The following ASAP2 variants were observed in gnomAD, a reference collection of about 807,000 sequenced individuals.
ASAP2 encodes the protein arf-GAP with SH3 domain, ANK repeat and PH domain-containing protein 2.
Under a neutral mutation model 131.4 loss-of-function variants are expected in ASAP2, and 45 were observed. That is an observed-to-expected ratio of 0.34 (90% confidence interval 0.27 to 0.44). The LOEUF is 0.44. Among genes scored for constraint, ASAP2 ranks in the 20% least tolerant of loss-of-function variants. ASAP2 has a pLI of 1.00. For synonymous variants in ASAP2, 510 were observed against 503.0 expected (o/e 1.01, Z -0.19); for missense variants, 1,011 against 1,297.0 (o/e 0.78, Z 3.39).
intron 16 of ASAP2, among the ~76,000 whole-genome samples, chr2:9,368,905 T>A (rs997192156): frequency 6.6e-6 from 1 of 152,156 alleles, no homozygotes; most frequent in Non-Finnish European, 1.5e-5. Flanking sequence ...TATGTGATTA[T>A]GTAGCGTCCT....
chr2:9,267,920 A>AAAG (rs1558281476), intron 1 of ASAP2, among the ~76,000 whole-genome samples: 5 of 151,416 alleles, frequency 3.3e-5, no homozygotes, highest in Non-Finnish European at 1.5e-5. Context: ...AAAAAAAAAA[A>AAAG]AAGAATGATT....
intron 7 of ASAP2, 98 bp downstream of exon 7, chr2:9,328,009 A>G (rs1670587590): frequency 1.2e-6 from 1 of 838,284 alleles, no homozygotes; most frequent in Non-Finnish European, 1.8e-6. Context: ...CACCACTTAG[A>G]AGTCTATAGT....
At chr2:9,306,824 T>G (rs1404062596) in intron 3 of ASAP2, among the ~76,000 whole-genome samples, 1 of 152,112 alleles carries the variant, frequency 6.6e-6, no homozygotes, top group African/African-American at 2.4e-5. Context: ...GCCCATATAC[T>G]CCAGGTTCCA....
intron 12 of ASAP2, among the ~76,000 whole-genome samples, chr2:9,352,248 A>ACACACAC (rs1558357880): frequency 4.5e-5 from 6 of 133,740 alleles, no homozygotes; most frequent in African/African-American, 1.8e-4. Flanking sequence ...CACACACACA[A>ACACACAC]ACACACACAC....
intron 3 of ASAP2, among the ~76,000 whole-genome samples, chr2:9,299,674 G>A (rs1205875910): frequency 6.6e-6 from 1 of 152,204 alleles, no homozygotes; most frequent in African/African-American, 2.4e-5. Flanking sequence ...GACGGCTGAC[G>A]ACGTAGGAGA....
chr2:9,401,173 T>C (rs1676631984), intron 26 of ASAP2, 101 bp from the exon 27 acceptor site: 2 of 1,468,202 alleles, frequency 1.4e-6, no homozygotes, highest in South Asian at 2.5e-5. Context: ...CAGGCCTAGG[T>C]ACGGGACTCC....
At chr2:9,364,092 G>A (rs1003368526) in intron 15 of ASAP2, among the ~76,000 whole-genome samples, 4 of 152,130 alleles carry the variant, frequency 2.6e-5, no homozygotes, top group African/African-American at 7.2e-5. Context: ...GATTTTTCAG[G>A]TCATATGAAA....
intron 1 of ASAP2, among the ~76,000 whole-genome samples, chr2:9,263,772 C>T (rs1017108975): frequency 2.6e-5 from 4 of 152,148 alleles, no homozygotes; most frequent in Admixed American, 6.5e-5. Context: ...CTGTTCATAC[C>T]GCATGACACC....
intron 1 of ASAP2, among the ~76,000 whole-genome samples, chr2:9,246,191 A>T (rs1436313610): frequency 6.6e-6 from 1 of 152,108 alleles, no homozygotes; most frequent in Non-Finnish European, 1.5e-5. Context: ...CCAAACCCGT[A>T]CTCCTTAGAC....
rs761540224 is a variant in ASAP2, at chr2:9,344,787, T to G, written c.1010T>G (p.Ile337Arg). The G allele has an allele frequency of 6.2e-7, 1 of 1,613,584 alleles. No individual in the cohort carries two copies. The highest frequency in any genetic ancestry group is 2.2e-5 in the East Asian group (1 of 44,886). ...TCAGTTAAAAATGGTTTTCTGACCA[T>G]ATCCCATGGTACCGTAAGTATTCTC... is the stretch of plus-strand genomic sequence containing the variant. ...KCSVKNGFLT[I>R]SHGTANRPPA... Residue 337 changes from isoleucine (I) to arginine (R), a missense_variant, in exon 11 of 28, where the codon ATA (isoleucine) becomes AGA (arginine). This residue lies in a region of ASAP2 where 359 missense variants were observed against 598.1 expected (regional missense o/e 0.60). Transcript: ENST00000281419.
intron 19 of ASAP2, among the ~76,000 whole-genome samples, chr2:9,379,308 G>T (rs926284809): frequency 6.6e-6 from 1 of 152,180 alleles, no homozygotes; most frequent in Admixed American, 6.5e-5. Flanking sequence ...ACAAGCAAAG[G>T]GTGGGTCTTG....
At chr2:9,234,110 C>CA (rs70948810) in intron 1 of ASAP2, among the ~76,000 whole-genome samples, 1,162 of 76,258 alleles carry the variant, frequency 0.015, 27 homozygotes, top group African/African-American at 0.035. Context: ...AGCTATGTCT[C>CA]AAAAAAAAAA....
intron 24 of ASAP2, among the ~76,000 whole-genome samples, chr2:9,397,750 AT>A (rs1172660637): frequency 2.9e-3 from 129 of 44,804 alleles, no homozygotes; most frequent in East Asian, 4.7e-3. Context: ...ATATATATAT[AT>A]TTTTTTTTTT....
intron 3 of ASAP2, 67 bp from the exon 4 acceptor site, chr2:9,318,457 C>T (rs1669948700): frequency 3.4e-6 from 4 of 1,189,024 alleles, no homozygotes; most frequent in African/African-American, 1.5e-5. Flanking sequence ...CTCTAATGTC[C>T]TTGCTGTCCT....
chr2:9,347,303 G>A (rs922325171), intron 11 of ASAP2, among the ~76,000 whole-genome samples: 3 of 152,208 alleles, frequency 2.0e-5, no homozygotes, highest in African/African-American at 7.2e-5. Flanking sequence ...TTGCATGTGG[G>A]GAAGTGAGTT....
chr2:9,385,669 G>A (rs923964103), intron 21 of ASAP2, among the ~76,000 whole-genome samples: 4 of 152,172 alleles, frequency 2.6e-5, no homozygotes. Flanking sequence ...CTCTTGCTAT[G>A]GAGTCATGTC....
At chr2:9,276,893 G>T (rs555258795) in intron 1 of ASAP2, among the ~76,000 whole-genome samples, 2 of 152,274 alleles carry the variant, frequency 1.3e-5, no homozygotes, top group South Asian at 2.1e-4. Flanking sequence ...CTGGCCCATG[G>T]AAGGTGCTTA....
At position 9,380,745 on chromosome 2, in the gene ASAP2, C is replaced by T. The variant is rs11888409; in HGVS notation, c.1953C>T (p.Asn651=). ...TTGCTCGCCCTTGAATTTTAGCAAA[C>T]GAGTCAGGAGAGACTCCGCTGGACA... ...LRGKASIEIA[N]ESGETPLDIA... is the part of the protein sequence containing the mutation. The change falls in exon 20 of 28, where the codon AAC becomes AAT. Residue 651 remains asparagine (N), a synonymous_variant. Coordinates refer to ENST00000281419, the MANE Select transcript of ASAP2 (RefSeq NM_003887.3). The T allele has an allele frequency of 0.015, 24,900 of 1,614,018 alleles. 2,460 individuals are homozygous for T. The African/African-American group carries it at 0.25, about 16-fold the overall frequency.
chr2:9,210,991 A>C (rs1661501386), intron 1 of ASAP2, among the ~76,000 whole-genome samples: 1 of 152,008 alleles, frequency 6.6e-6, no homozygotes, highest in Non-Finnish European at 1.5e-5. Context: ...CCCTGTCTCT[A>C]CTAAAAATAC....
Sources: allele counts gnomAD v4.1 joint callset (sites outside exome capture counted in the v4.1 genomes callset), GRCh38; gene constraint gnomAD v4.1.1; regional missense constraint gnomAD v4.1.1; transcripts MANE v1.5; gene names NCBI Gene and HGNC (gene_info 2026-07-23, HGNC 2026-07-21).